Variants in MACROD2 observed in about 807,000 individuals in gnomAD.
MACROD2 encodes the protein mono-ADP ribosylhydrolase 2, also known as ADP-ribose glycohydrolase MACROD2.
Under a neutral mutation model 70.4 loss-of-function variants are expected in MACROD2, and 36 were observed. The ratio of observed to expected loss-of-function variants is 0.51; its 90% CI spans 0.39 to 0.68. The LOEUF (loss-of-function observed/expected upper bound fraction) is 0.68, where lower values mean the gene tolerates loss of function less well. Ranked by LOEUF, MACROD2 falls within the 30% of genes least tolerant of loss-of-function variation. The pLI, the probability that MACROD2 is intolerant of heterozygous loss-of-function variation, is 0.00. For missense variants in MACROD2, 496 were observed against 538.4 expected, an observed-to-expected ratio of 0.92 and a Z score of 0.78; for synonymous variants, 172 against 178.8, an observed-to-expected ratio of 0.96 and a Z score of 0.30.
chr20:15,688,298 C>A (rs1192060160), intron 8 of MACROD2, among the ~76,000 whole-genome samples: 2 of 152,166 alleles, frequency 1.3e-5, no homozygotes, highest in Non-Finnish European at 2.9e-5. Flanking sequence ...TACTCTGAAT[C>A]TTCCTCAAAC....
chr20:14,043,667 G>A (rs149983585), intron 2 of MACROD2, among the ~76,000 whole-genome samples: 9 of 152,330 alleles, frequency 5.9e-5, no homozygotes, highest in Non-Finnish European at 8.8e-5. Flanking sequence ...TCCAGGGTAT[G>A]GGAGAACCTC....
chr20:14,808,384 T>C (rs1263886133), intron 5 of MACROD2, among the ~76,000 whole-genome samples: 1 of 152,058 alleles, frequency 6.6e-6, no homozygotes, highest in Non-Finnish European at 1.5e-5. Flanking sequence ...AAGCACATGC[T>C]GAGGGATTTT....
intron 6 of MACROD2, among the ~76,000 whole-genome samples, chr20:15,231,597 G>C (rs2076959479): frequency 6.6e-6 from 1 of 151,914 alleles, no homozygotes; most frequent in Non-Finnish European, 1.5e-5. Context: ...GAAGTAAGAA[G>C]TTTGTTAGAA....
intron 3 of MACROD2, among the ~76,000 whole-genome samples, chr20:14,143,152 A>G (rs1171382602): frequency 6.6e-6 from 1 of 152,216 alleles, no homozygotes; most frequent in Non-Finnish European, 1.5e-5. Context: ...ATTTATTAGC[A>G]TGGCCATGTG....
intron 5 of MACROD2, among the ~76,000 whole-genome samples, chr20:14,772,680 C>T (rs2072184566): frequency 6.6e-6 from 1 of 152,044 alleles, no homozygotes; most frequent in Non-Finnish European, 1.5e-5. Context: ...CAAACCATAG[C>T]AGTACACAAA....
At chr20:14,018,165 CTCTT>C (rs1225960177) in intron 2 of MACROD2, among the ~76,000 whole-genome samples, 1 of 151,908 alleles carries the variant, frequency 6.6e-6, no homozygotes, top group Non-Finnish European at 1.5e-5. Context: ...AATTTGTGTA[CTCTT>C]TCTTATTTTC....
intron 3 of MACROD2, among the ~76,000 whole-genome samples, chr20:14,209,881 T>G (rs1399961772): frequency 1.3e-5 from 2 of 152,206 alleles, no homozygotes; most frequent in African/African-American, 4.8e-5. Flanking sequence ...TATACTGTAT[T>G]TGGATGGTCA....
At chr20:15,652,193 T>C (rs1448191764) in intron 8 of MACROD2, among the ~76,000 whole-genome samples, 14 of 152,236 alleles carry the variant, frequency 9.2e-5, no homozygotes, top group Admixed American at 9.2e-4. Flanking sequence ...AGGCCTTTTC[T>C]TTATGAGACT....
In MACROD2 at chr20:16,052,407, C is replaced by T. The variant is rs1000348379; in HGVS notation, c.*2531C>T. ...ATAAATTCTGGATGTCAATTTCCAA[C>T]CAAACTCCAATACAGCTATGTGGCA... On this transcript the variant is annotated 3_prime_UTR_variant, in exon 18 of 18. Transcript: ENST00000684519. 1.3e-5 allele frequency: 2 copies of T among 152,164 alleles called. No individual in the cohort carries two copies. Among genetic ancestry groups the T allele is most frequent in the African/African-American group, 4.8e-5 (2 of 41,422 alleles). 9.4% of individuals were successfully genotyped at this position (152,164 alleles called of 1,614,324 possible). A position where few individuals can be genotyped will look rare whatever the true frequency, so the allele number is the denominator to read the frequency against.
chr20:15,279,215 T>A (rs546375968), intron 6 of MACROD2, among the ~76,000 whole-genome samples: 2 of 152,310 alleles, frequency 1.3e-5, no homozygotes, highest in Middle Eastern at 3.4e-3. Context: ...TTCTAAATAG[T>A]CCTAGGAGAC....
chr20:15,685,555 C>T (rs2050214770), intron 8 of MACROD2, among the ~76,000 whole-genome samples: 1 of 152,160 alleles, frequency 6.6e-6, no homozygotes, highest in South Asian at 2.1e-4. Context: ...TCCCAAGAAC[C>T]TAGATTGAAT....
intron 2 of MACROD2, among the ~76,000 whole-genome samples, chr20:14,048,013 TC>T (rs200831334): frequency 0.071 from 10,525 of 148,876 alleles, 399 homozygotes; most frequent in Non-Finnish European, 0.081. Flanking sequence ...GATTTTTTTT[TC>T]TTTTAATGCT....
chr20:14,987,656 A>G (rs2074861604), intron 5 of MACROD2, among the ~76,000 whole-genome samples: 1 of 152,198 alleles, frequency 6.6e-6, no homozygotes, highest in African/African-American at 2.4e-5. Flanking sequence ...TATGTTATAA[A>G]GGAACAAAAA....
rs899215054 is a variant in MACROD2, at chr20:15,835,331, C to T, written c.646-27414C>T. Among the ~76,000 whole-genome samples the T allele has an allele frequency of 4.6e-5, 7 of 152,184 alleles. No homozygotes were observed. The East Asian group carries it at 1.4e-3, about 29-fold the overall frequency. ...ATTAATACAAATTTCTTCCTCCCCC[C>T]TTTTCCATGGGAACCAATATTATGG... On this transcript the variant is annotated intron_variant, in intron 8 of 17. Transcript: ENST00000684519.
intron 5 of MACROD2, among the ~76,000 whole-genome samples, chr20:14,792,216 CA>C (rs1347863924): frequency 6.6e-6 from 1 of 152,030 alleles, no homozygotes; most frequent in Non-Finnish European, 1.5e-5. Flanking sequence ...ATTGGATTAG[CA>C]CTAAATTATT....
At chr20:15,440,383 G>T (rs990610264) in intron 7 of MACROD2, among the ~76,000 whole-genome samples, 1 of 152,144 alleles carries the variant, frequency 6.6e-6, no homozygotes, top group African/African-American at 2.4e-5. Flanking sequence ...AACGTGGAGT[G>T]CCTGTTTCTA....
At position 14,326,017 on chromosome 20, in the gene MACROD2, A is replaced by G. The variant is rs751022559; in HGVS notation, c.272-167462A>G. ...TCGAAGGGGTGCAGTTTCAGTCTCA[A>G]TACAAACAGGAGTTTCATCAAATAG... On this transcript the variant is annotated intron_variant, in intron 3 of 17. Transcript: ENST00000684519. This position sits in a 1 kb window ranked among gnomAD's most constrained non-coding sequence, Gnocchi z 5.5. 3 of 1,613,906 alleles carry G rather than the reference A, an allele frequency of 1.9e-6. No individual in the cohort carries two copies. Among genetic ancestry groups the G allele is most frequent in the South Asian group, 1.1e-5 (1 of 91,086 alleles).
chr20:14,819,091 C>A (rs1323538318), intron 5 of MACROD2, among the ~76,000 whole-genome samples: 1 of 151,226 alleles, frequency 6.6e-6, no homozygotes, highest in Non-Finnish European at 1.5e-5. Context: ...ATGATGAAAC[C>A]CCATTTCTAC....
intron 5 of MACROD2, among the ~76,000 whole-genome samples, chr20:15,169,103 T>C (rs1244304058): frequency 1.3e-5 from 2 of 152,120 alleles, no homozygotes; most frequent in African/African-American, 4.8e-5. Context: ...ACAATAATAG[T>C]GATATACTTA....
Sources: gnomAD v4.1 joint callset for allele counts (sites outside exome capture counted in the v4.1 genomes callset) on GRCh38, gnomAD v4.1.1 for gene constraint, Gnocchi (gnomAD v3.1) non-coding constraint, MANE v1.5 for transcripts, NCBI Gene and HGNC (gene_info 2026-07-23, HGNC 2026-07-21) for gene names.